The following VPS13D variants were observed in gnomAD, a reference collection of about 807,000 sequenced individuals.
The protein encoded by VPS13D is vacuolar protein sorting 13 homolog D.
In VPS13D, 187 loss-of-function variants were observed where a neutral mutation model predicts 461.9. The observed-to-expected ratio is 0.40, with a 90% CI of 0.36 to 0.46. The LOEUF (loss-of-function observed/expected upper bound fraction) is 0.46, where lower values mean the gene tolerates loss of function less well. VPS13D is among the 20% of genes least tolerant of loss of function. The pLI, the probability that VPS13D is intolerant of heterozygous loss-of-function variation, is 0.60. For synonymous variants in VPS13D, 1,951 were observed against 1,986.3 expected (o/e 0.98, Z 0.47); for missense variants, 4,711 against 5,364.9 (o/e 0.88, Z 3.81).
At chr1:12,459,948 ATTTTTTTTTT>A (rs779399019) in intron 66 of VPS13D, among the ~76,000 whole-genome samples, 1 of 122,132 alleles carries the variant, frequency 8.2e-6, no homozygotes, top group Non-Finnish European at 1.7e-5. Context: ...CTTTTCTCTG[ATTTTTTTTTT>A]TTTTTTTTTT....
intron 37 of VPS13D, among the ~76,000 whole-genome samples, chr1:12,330,414 CA>C (rs924388302): frequency 6.6e-6 from 1 of 151,266 alleles, no homozygotes; most frequent in African/African-American, 2.4e-5. Context: ...GGCTCTGTCT[CA>C]AAAAAAATTT....
intron 12 of VPS13D, 79 bp downstream of exon 12, chr1:12,261,228 T>G: frequency 6.5e-7 from 1 of 1,544,652 alleles, no homozygotes; most frequent in African/African-American, 1.4e-5. Flanking sequence ...ATTTTTCAAA[T>G]TTAACAAAAG....
At chr1:12,378,380 G>T in intron 55 of VPS13D, 48 bp from the exon 56 acceptor site, 1 of 1,507,084 alleles carries the variant, frequency 6.6e-7, no homozygotes, top group South Asian at 1.3e-5. Context: ...AGCTAGCTGT[G>T]GCTGCCCATA....
Position 12,438,602 on chromosome 1 carries a change from A to G in VPS13D, c.12334-17396A>G, listed in dbSNP as rs146640455. Among the ~76,000 whole-genome samples the G allele has an allele frequency of 1.9e-3, 289 of 152,286 alleles. 4 individuals are homozygous for G. The highest frequency in any genetic ancestry group is 6.7e-3 in the African/African-American group (279 of 41,560). ...ATCCTTCCCTGTTCAGTGGGGAAAC[A>G]CAGATCAGCACCCAGCCCTTGCCGA... is the stretch of plus-strand genomic sequence containing the variant. On this transcript the variant is annotated intron_variant, in intron 65 of 69. Coordinates refer to ENST00000620676, the MANE Select transcript of VPS13D (RefSeq NM_015378.4).
chr1:12,261,787 TAAC>T, intron 12 of VPS13D, 111 bp from the exon 13 acceptor site: 1 of 980,506 alleles, frequency 1.0e-6, no homozygotes, highest in Non-Finnish European at 1.5e-6. Flanking sequence ...AGTTCTTTCT[TAAC>T]AAAGGGAAAA....
chr1:12,310,297 CATT>C (rs1264163213), intron 27 of VPS13D, among the ~76,000 whole-genome samples: 2 of 152,196 alleles, frequency 1.3e-5, no homozygotes, highest in South Asian at 2.1e-4. Flanking sequence ...GTTATTGCAT[CATT>C]GTCTTTTAAA....
intron 44 of VPS13D, among the ~76,000 whole-genome samples, chr1:12,348,081 G>T (rs1643715204): frequency 6.6e-6 from 1 of 152,020 alleles, no homozygotes; most frequent in African/African-American, 2.4e-5. Context: ...ATAATATATG[G>T]ACCTAAATAA....
intron 65 of VPS13D, among the ~76,000 whole-genome samples, chr1:12,423,630 C>G (rs1644889136): frequency 6.6e-6 from 1 of 152,154 alleles, no homozygotes; most frequent in African/African-American, 2.4e-5. Flanking sequence ...TGCTTCTTTT[C>G]GAAGCAAACC....
At chr1:12,293,251 C>T (rs1642183566) in intron 23 of VPS13D, among the ~76,000 whole-genome samples, 1 of 152,166 alleles carries the variant, frequency 6.6e-6, no homozygotes, top group African/African-American at 2.4e-5. Context: ...CCTTTCAGGG[C>T]AGGGAGAAAG....
intron 46 of VPS13D, among the ~76,000 whole-genome samples, chr1:12,351,103 C>T (rs911598237): frequency 2.0e-5 from 3 of 152,144 alleles, no homozygotes; most frequent in Non-Finnish European, 4.4e-5. Context: ...GTGAATTCTA[C>T]CAGACGTTTA....
At chr1:12,418,945 G>A (rs963373480) in intron 65 of VPS13D, among the ~76,000 whole-genome samples, 1 of 152,192 alleles carries the variant, frequency 6.6e-6, no homozygotes, top group Non-Finnish European at 1.5e-5. Context: ...CCTCCTAGGA[G>A]TTTCTCCAGG....
intron 18 of VPS13D, among the ~76,000 whole-genome samples, chr1:12,273,749 GAAT>G (rs1356144105): frequency 6.6e-6 from 1 of 152,076 alleles, no homozygotes; most frequent in East Asian, 1.9e-4. Flanking sequence ...TCGTATAGCC[GAAT>G]AATAGTCCAT....
At chr1:12,319,199 G>C (rs1338365666) in intron 31 of VPS13D, among the ~76,000 whole-genome samples, 2 of 152,132 alleles carry the variant, frequency 1.3e-5, no homozygotes, top group Non-Finnish European at 2.9e-5. Flanking sequence ...TATCTCCTAG[G>C]CCTCCCAGGA....
rs981913400 is a variant in VPS13D at position 12,495,141 on chromosome 1, T to G, written c.12663-2359T>G. Reference sequence around the variant, plus strand: ...CTTTGAGCAGATGACTGACTTGATGTAACTTACCTTTTTTTTTTTTTTTTT... The same window carrying G: ...CTTTGAGCAGATGACTGACTTGATGGAACTTACCTTTTTTTTTTTTTTTTT... On this transcript the variant is annotated intron_variant, in intron 67 of 69. Coordinates refer to ENST00000620676, the MANE Select transcript of VPS13D (RefSeq NM_015378.4). This position sits in a 1 kb window ranked among gnomAD's most constrained non-coding sequence, Gnocchi z 4.0. Among the ~76,000 whole-genome samples, 1 of 151,442 alleles carries G rather than the reference T, an allele frequency of 6.6e-6. No homozygotes were observed. The highest frequency in any genetic ancestry group is 6.6e-5 in the Admixed American group (1 of 15,218).
intron 47 of VPS13D, 132 bp downstream of exon 47, chr1:12,354,353 G>T: frequency 8.6e-7 from 1 of 1,167,040 alleles, no homozygotes; most frequent in Non-Finnish European, 1.2e-6. Flanking sequence ...CAGCTCAAAG[G>T]AATCAGTGCA....
At chr1:12,482,320 C>T (rs547441894) in intron 67 of VPS13D, among the ~76,000 whole-genome samples, 22 of 152,252 alleles carry the variant, frequency 1.4e-4, no homozygotes, top group Admixed American at 3.9e-4. Context: ...CCTGGCCATT[C>T]TGACGCCTTC....
At chr1:12,256,836 A>G (rs1237315000) in intron 8 of VPS13D, 151 bp from the exon 9 acceptor site, 1 of 723,202 alleles carries the variant, frequency 1.4e-6, no homozygotes, top group Non-Finnish European at 2.3e-6. Context: ...GAAACATGTC[A>G]CTTGATGCTG....
intron 57 of VPS13D, 122 bp downstream of exon 57, chr1:12,379,718 A>G: frequency 1.7e-6 from 1 of 595,202 alleles, no homozygotes; most frequent in Non-Finnish European, 2.8e-6. Flanking sequence ...AGCAATACTT[A>G]TTCTATTCCA....
intron 60 of VPS13D, among the ~76,000 whole-genome samples, chr1:12,398,781 C>A (rs1644533638): frequency 1.3e-5 from 2 of 152,160 alleles, no homozygotes; most frequent in Admixed American, 6.5e-5. Context: ...GAAACTGTTA[C>A]AATTTGGTAG....
Sources: allele counts gnomAD v4.1 joint callset (sites outside exome capture counted in the v4.1 genomes callset), GRCh38; gene constraint gnomAD v4.1.1; non-coding constraint Gnocchi (gnomAD v3.1); transcripts MANE v1.5; gene names NCBI Gene and HGNC (gene_info 2026-07-23, HGNC 2026-07-21).